The following KIAA0040 variants were observed in gnomAD, a reference collection of about 807,000 sequenced individuals.
The protein encoded by KIAA0040 is KIAA0040.
Under a neutral mutation model 7.2 loss-of-function variants are expected in KIAA0040, and 10 were observed. That is an observed-to-expected ratio of 1.38 (90% CI 0.85 to 2.34). The LOEUF (loss-of-function observed/expected upper bound fraction) is 2.34. KIAA0040 is among the 30% of genes most tolerant of loss of function. The probability of loss-of-function intolerance (pLI) is 0.00; values close to 1 mark genes in which losing one functional copy is unlikely to be tolerated. For missense variants in KIAA0040, 89 were observed against 108.2 expected (o/e 0.82, Z 0.79); for synonymous variants, 49 against 40.1 (o/e 1.22, Z -0.84).
intron 2 of KIAA0040, among the ~76,000 whole-genome samples, chr1:175,168,059 C>T (rs1369470452): frequency 2.0e-5 from 3 of 152,080 alleles, no homozygotes; most frequent in East Asian, 1.9e-4. Context: ...CCTGTGGTTA[C>T]GATAATATCA....
intron 1 of KIAA0040, among the ~76,000 whole-genome samples, chr1:175,185,447 CA>C (rs1677622134): frequency 6.6e-6 from 1 of 152,156 alleles, no homozygotes; most frequent in African/African-American, 2.4e-5. Context: ...CTCAAGCATC[CA>C]AATAATCCCG....
intron 1 of KIAA0040, among the ~76,000 whole-genome samples, chr1:175,192,426 G>A (rs1677898366): frequency 6.6e-6 from 1 of 152,100 alleles, no homozygotes; most frequent in Non-Finnish European, 1.5e-5. Context: ...CAGCCCAGGC[G>A]CAGAGAGGAA....
At chr1:175,191,596 T>C (rs1214583146) in intron 1 of KIAA0040, among the ~76,000 whole-genome samples, 1 of 152,222 alleles carries the variant, frequency 6.6e-6, no homozygotes, top group Non-Finnish European at 1.5e-5. Context: ...AGTCTTTAGA[T>C]AGAACTTGCA....
chr1:175,181,150 C>T (rs1036726103), intron 1 of KIAA0040, among the ~76,000 whole-genome samples: 2 of 152,150 alleles, frequency 1.3e-5, no homozygotes, highest in African/African-American at 4.8e-5. Context: ...CTGTGCTTGG[C>T]CTCTTTGTGC....
chr1:175,179,106 G>C (rs552895471), intron 1 of KIAA0040, among the ~76,000 whole-genome samples: 1 of 152,240 alleles, frequency 6.6e-6, no homozygotes, highest in South Asian at 2.1e-4. Flanking sequence ...AGCCAGAGCA[G>C]AGGTACAGAG....
At chr1:175,173,697 C>T (rs1677074921) in intron 2 of KIAA0040, among the ~76,000 whole-genome samples, 1 of 152,190 alleles carries the variant, frequency 6.6e-6, no homozygotes, top group Non-Finnish European at 1.5e-5. Flanking sequence ...GCGTCACACC[C>T]TGTGGGTGCA....
chr1:175,192,790 C>CCGGCG (rs1302531218), upstream of KIAA0040: 3 of 151,668 alleles, frequency 2.0e-5, no homozygotes, highest in Non-Finnish European at 4.4e-5. Context: ...GTGTAGGGCC[C>CCGGCG]CGGCGCCGGC....
At chr1:175,169,115 C>T (rs1382265731) in intron 2 of KIAA0040, among the ~76,000 whole-genome samples, 1 of 152,210 alleles carries the variant, frequency 6.6e-6, no homozygotes, top group Non-Finnish European at 1.5e-5. Flanking sequence ...GGATTTTCTG[C>T]TACAGCAGTT....
intron 2 of KIAA0040, among the ~76,000 whole-genome samples, chr1:175,175,105 C>T (rs1335990642): frequency 2.6e-5 from 4 of 152,022 alleles, no homozygotes; most frequent in Admixed American, 6.6e-5. Flanking sequence ...TGCTTCTGGC[C>T]GACTCCAATA....
At chr1:175,171,095 A>G (rs1676974438) in intron 2 of KIAA0040, among the ~76,000 whole-genome samples, 1 of 152,186 alleles carries the variant, frequency 6.6e-6, no homozygotes, top group Non-Finnish European at 1.5e-5. Context: ...TGATTGCTTC[A>G]CAACATTTGC....
chr1:175,159,444 C>T lies in KIAA0040; in HGVS notation c.*1270G>A, dbSNP rs1477944988. ...TACAAGCTTACCCTTAACAACATCA[C>T]ATATCCAACAGTAACCACAGTTAGT... On this transcript the variant is annotated 3_prime_UTR_variant, in exon 4 of 4. Coordinates refer to ENST00000423313, the MANE Select transcript of KIAA0040 (RefSeq NM_014656.3). 3 of 152,270 alleles carry T rather than the reference C, an allele frequency of 2.0e-5. No homozygotes were observed. Among genetic ancestry groups the T allele is most frequent in the Non-Finnish European group, 2.9e-5 (2 of 68,046 alleles). The allele number at this position is 152,270 out of a possible 1,614,324, so 9.4% of individuals were successfully genotyped here.
At chr1:175,169,692 T>A (rs142067912) in intron 2 of KIAA0040, among the ~76,000 whole-genome samples, 1 of 152,146 alleles carries the variant, frequency 6.6e-6, no homozygotes, top group Non-Finnish European at 1.5e-5. Flanking sequence ...ATTAGTTCAT[T>A]CATCATTCTC....
intron 2 of KIAA0040, among the ~76,000 whole-genome samples, chr1:175,167,150 TGAGAG>T (rs1228427838): frequency 1.3e-4 from 20 of 152,286 alleles, no homozygotes; most frequent in African/African-American, 4.8e-4. Flanking sequence ...GAGGGATGAC[TGAGAG>T]AAGATCTGAA....
At chr1:175,190,315 A>C (rs1239255297) in intron 1 of KIAA0040, among the ~76,000 whole-genome samples, 1 of 152,242 alleles carries the variant, frequency 6.6e-6, no homozygotes, top group Non-Finnish European at 1.5e-5. Context: ...TCTATAGGCC[A>C]CTATTGACAA....
At chr1:175,189,335 G>C (rs1399877395) in intron 1 of KIAA0040, among the ~76,000 whole-genome samples, 1 of 152,188 alleles carries the variant, frequency 6.6e-6, no homozygotes. Context: ...CAGCACCTTG[G>C]TGAGAATTAG....
intron 1 of KIAA0040, among the ~76,000 whole-genome samples, chr1:175,190,449 A>G (rs11809762): frequency 0.15 from 22,698 of 152,146 alleles, 1,874 homozygotes; most frequent in East Asian, 0.21. Flanking sequence ...TCCTGGGCAT[A>G]TTCAACTTTA....
intron 2 of KIAA0040, among the ~76,000 whole-genome samples, chr1:175,171,162 CT>C (rs1405121752): frequency 6.6e-6 from 1 of 152,194 alleles, no homozygotes; most frequent in Non-Finnish European, 1.5e-5. Context: ...ATCAGGAGGC[CT>C]TTTTCTAATG....
chr1:175,192,500 G>T (rs1392375666), intron 1 of KIAA0040, 140 bp downstream of exon 1: 1 of 152,190 alleles, frequency 6.6e-6, no homozygotes. Context: ...AGGCGCAAGA[G>T]GCTACTTAGG....
intron 1 of KIAA0040, among the ~76,000 whole-genome samples, chr1:175,179,152 C>G (rs903703356): frequency 6.6e-6 from 1 of 151,788 alleles, no homozygotes; most frequent in Non-Finnish European, 1.5e-5. Flanking sequence ...GGTATGGCAG[C>G]GAAGAAGGCT....
Sources: allele counts gnomAD v4.1 joint callset (sites outside exome capture counted in the v4.1 genomes callset), GRCh38; gene constraint gnomAD v4.1.1; transcripts MANE v1.5; gene names NCBI Gene and HGNC (gene_info 2026-07-23, HGNC 2026-07-21).